The following PCDH15 variants were observed in gnomAD, a reference collection of about 807,000 sequenced individuals.
PCDH15 encodes the protein protocadherin-15.
PCDH15 carries 129 observed loss-of-function variants against 178.5 expected under a neutral mutation model. The ratio of observed to expected loss-of-function variants is 0.72; its 90% CI spans 0.63 to 0.84. The LOEUF is 0.84. Ranked by LOEUF, PCDH15 falls within the 40% of genes least tolerant of loss-of-function variation. The pLI, the probability that PCDH15 is intolerant of heterozygous loss-of-function variation, is 0.00. For missense variants in PCDH15, 2,230 were observed against 2,099.9 expected, an observed-to-expected ratio of 1.06 and a Z score of -1.21; for synonymous variants, 800 against 732.0, an observed-to-expected ratio of 1.09 and a Z score of -1.50.
chr10:54,051,406 G>A (rs2093771214), intron 18 of PCDH15, among the ~76,000 whole-genome samples: 1 of 152,148 alleles, frequency 6.6e-6, no homozygotes, highest in Non-Finnish European at 1.5e-5. Flanking sequence ...AATGCTGGTA[G>A]TGATTTGTAC....
intron 21 of PCDH15, among the ~76,000 whole-genome samples, chr10:53,994,076 C>T (rs4935482): frequency 0.23 from 35,413 of 152,086 alleles, 4,490 homozygotes; most frequent in East Asian, 0.51. Flanking sequence ...TTTCTCTTTA[C>T]ATAAATACTT....
At chr10:55,291,946 G>C (rs976630501) in intron 1 of PCDH15, among the ~76,000 whole-genome samples, 29 of 152,114 alleles carry the variant, frequency 1.9e-4, no homozygotes, top group African/African-American at 7.0e-4. Context: ...AACAGTATGG[G>C]AAAGACCTGC....
intron 2 of PCDH15, among the ~76,000 whole-genome samples, chr10:55,557,939 T>A (rs748841319): frequency 6.6e-6 from 1 of 152,118 alleles, no homozygotes; most frequent in Non-Finnish European, 1.5e-5. Context: ...GATGGACTTA[T>A]AGAAATATCA....
intron 18 of PCDH15, among the ~76,000 whole-genome samples, chr10:54,024,148 TAAATATTCATC>T (rs2093012239): frequency 6.6e-6 from 1 of 152,162 alleles, no homozygotes; most frequent in East Asian, 1.9e-4. Context: ...AAATATTGAG[TAAATATTCATC>T]GAATGAAATG....
At chr10:54,997,698 C>G (rs576436586) in intron 2 of PCDH15, among the ~76,000 whole-genome samples, 4 of 152,036 alleles carry the variant, frequency 2.6e-5, no homozygotes, top group Admixed American at 2.6e-4. Flanking sequence ...AAGTTTGTTA[C>G]TATAAAACCT....
At chr10:55,253,606 G>GTT (rs34155640) in intron 1 of PCDH15, among the ~76,000 whole-genome samples, 53 of 150,482 alleles carry the variant, frequency 3.5e-4, no homozygotes, top group Non-Finnish European at 5.5e-4. Flanking sequence ...ACCATAATAA[G>GTT]TTTTTTTTTT....
intron 1 of PCDH15, among the ~76,000 whole-genome samples, chr10:54,772,690 T>C (rs544549000): frequency 6.6e-6 from 1 of 152,060 alleles, no homozygotes; most frequent in African/African-American, 2.4e-5. Flanking sequence ...TTTCAACCAT[T>C]GTGGAAGACA....
At chr10:54,727,969 T>C (rs1942809314) in intron 1 of PCDH15, among the ~76,000 whole-genome samples, 1 of 151,354 alleles carries the variant, frequency 6.6e-6, no homozygotes. Flanking sequence ...ATAAGCCCTA[T>C]ACCAGATATA....
chr10:55,461,606 T>A (rs576598520), intron 2 of PCDH15, among the ~76,000 whole-genome samples: 1 of 152,228 alleles, frequency 6.6e-6, no homozygotes, highest in Admixed American at 6.5e-5. Flanking sequence ...TTAACATTGA[T>A]GCACAGGTAT....
chr10:54,121,893 G>T (rs1443623380), intron 15 of PCDH15, among the ~76,000 whole-genome samples: 1 of 151,938 alleles, frequency 6.6e-6, no homozygotes, highest in Non-Finnish European at 1.5e-5. Flanking sequence ...GTCCAAAGAA[G>T]AGCTGATAGT....
chr10:54,307,389 G>A (rs1039980010), intron 8 of PCDH15, among the ~76,000 whole-genome samples: 23 of 151,090 alleles, frequency 1.5e-4, no homozygotes, highest in African/African-American at 5.6e-4. Context: ...TTTATAGGGC[G>A]AAGAAGTCCT....
chr10:54,431,089 A>G (rs1161326662), intron 3 of PCDH15, among the ~76,000 whole-genome samples: 1 of 152,132 alleles, frequency 6.6e-6, no homozygotes, highest in South Asian at 2.1e-4. Flanking sequence ...AACAACCAAT[A>G]ACAAGTAACA....
At chr10:54,632,635 T>TA (rs2093733678) in intron 2 of PCDH15, among the ~76,000 whole-genome samples, 1 of 152,064 alleles carries the variant, frequency 6.6e-6, no homozygotes, top group Non-Finnish European at 1.5e-5. Context: ...TTTATAACTT[T>TA]AAAAAGGAAA....
chr10:54,672,107 T>G (rs554227978), intron 1 of PCDH15, among the ~76,000 whole-genome samples: 1 of 152,226 alleles, frequency 6.6e-6, no homozygotes, highest in African/African-American at 2.4e-5. Flanking sequence ...ATGATTGATC[T>G]GTCATTGTCT....
chr10:54,418,285 T>C (rs566107259), intron 3 of PCDH15, among the ~76,000 whole-genome samples: 1 of 152,270 alleles, frequency 6.6e-6, no homozygotes, highest in East Asian at 1.9e-4. Context: ...TGACTGTTTG[T>C]AGTCATATTA....
At chr10:55,403,364 C>G (rs975224503) in intron 2 of PCDH15, among the ~76,000 whole-genome samples, 5 of 151,742 alleles carry the variant, frequency 3.3e-5, no homozygotes, top group African/African-American at 1.2e-4. Flanking sequence ...TATGCAGAAG[C>G]TTTTTAGTTT....
intron 2 of PCDH15, among the ~76,000 whole-genome samples, chr10:54,591,721 T>C (rs973067696): frequency 2.6e-5 from 4 of 152,032 alleles, no homozygotes; most frequent in African/African-American, 4.8e-5. Flanking sequence ...GGATGAAAAA[T>C]TAAAATGAAA....
chr10:54,372,836 C>T (rs1947871651), intron 4 of PCDH15, among the ~76,000 whole-genome samples: 1 of 151,774 alleles, frequency 6.6e-6, no homozygotes, highest in Non-Finnish European at 1.5e-5. Context: ...GTGCTTAACA[C>T]AATACTCTGA....
intron 33 of PCDH15, among the ~76,000 whole-genome samples, chr10:53,818,933 C>G (rs78194148): frequency 0.014 from 2,077 of 152,026 alleles, 68 homozygotes; most frequent in African/African-American, 0.048. Context: ...TTCTACTTAT[C>G]AGAAAGCATC....
Sources: gnomAD v4.1 joint callset for allele counts (sites outside exome capture counted in the v4.1 genomes callset) on GRCh38, gnomAD v4.1.1 for gene constraint, MANE v1.5 for transcripts, NCBI Gene and HGNC (gene_info 2026-07-23, HGNC 2026-07-21) for gene names.